PPL: variants seen among roughly 807,000 people sequenced by gnomAD.
PPL encodes the protein 190 kDa paraneoplastic pemphigus antigen.
PPL carries 198 observed loss-of-function variants against 194.4 expected under a neutral mutation model. The observed-to-expected ratio is 1.02, with a 90% CI of 0.91 to 1.15. The LOEUF (loss-of-function observed/expected upper bound fraction) is 1.15. PPL is among the 50% of genes most tolerant of loss of function. The pLI is 0.00. For synonymous variants in PPL, 1,220 were observed against 972.4 expected (o/e 1.25, Z -4.74); for missense variants, 2,885 against 2,294.8 (o/e 1.26, Z -5.25).
At chr16:4,924,462 T>C (rs2142415276) in intron 1 of PPL, among the ~76,000 whole-genome samples, 1 of 152,302 alleles carries the variant, frequency 6.6e-6, no homozygotes, top group Non-Finnish European at 1.5e-5. Context: ...TCAGTTCTGC[T>C]GTAGGAAAGC....
chr16:4,911,884 T>A (rs1302293704), intron 1 of PPL, among the ~76,000 whole-genome samples: 1 of 152,130 alleles, frequency 6.6e-6, no homozygotes, highest in Non-Finnish European at 1.5e-5. Context: ...TCACCCAGAC[T>A]GGAGTGCAGT....
At position 4,884,906 on chromosome 16, in the gene PPL, C is replaced by T. The variant is rs764013163; in HGVS notation, c.3749G>A (p.Arg1250Gln). 46 of 1,614,134 alleles carry T rather than the reference C, an allele frequency of 2.8e-5. No individual in the cohort carries two copies. In the South Asian group the frequency reaches 4.1e-4, roughly 14 times the overall value. ...CTTGTCCACGATCTCCTCCCTGAGC[C>T]GCTGAAGCTCCTTCTCCATCTCAGG... Reference protein sequence around the residue: ...TDPEMEKELQRLREEIVDKTR... With the variant: ...TDPEMEKELQQLREEIVDKTR... The change falls in exon 22 of 22, where the codon CGG (arginine) becomes CAG (glutamine). Residue 1250 changes from arginine to glutamine, a missense_variant. Transcript: ENST00000345988. The surrounding 1 kb of genome is among the most constrained non-coding windows in gnomAD (Gnocchi z 5.7).
At chr16:4,888,882 C>T in intron 19 of PPL, 96 bp downstream of exon 19, 2 of 1,228,306 alleles carry the variant, frequency 1.6e-6, no homozygotes, top group Non-Finnish European at 2.4e-6. Context: ...GCTCCACCCC[C>T]ATGTGCCAGG....
Position 4,885,083 on chromosome 16 carries a change from A to T in PPL, c.3572T>A (p.Leu1191His). The T allele has an allele frequency of 1.9e-6, 3 of 1,613,644 alleles. No homozygotes were observed. Among genetic ancestry groups the T allele is most frequent in the Non-Finnish European group, 2.5e-6 (3 of 1,180,006 alleles). The change falls in exon 22 of 22, where the codon CTC (leucine) becomes CAC (histidine). Residue 1191 changes from leucine to histidine, a missense_variant. Coordinates refer to ENST00000345988, the MANE Select transcript of PPL (RefSeq NM_002705.5). This position sits in a 1 kb window ranked among gnomAD's most constrained non-coding sequence, Gnocchi z 6.3. Reference protein sequence around the residue: ...DPKAESEVANLRLELVEQERK... With the variant: ...DPKAESEVANHRLELVEQERK... The stretch of plus-strand genomic sequence containing the variant: ...CTCCTGCTCCACAAGCTCCAGGCGG[A>T]GGTTCGCCACTTCACTTTCCGCCTT...
chr16:4,892,981 A>G, intron 14 of PPL: 1 of 489,010 alleles, frequency 2.0e-6, no homozygotes, highest in Non-Finnish European at 3.5e-6. Context: ...CGTCAGATCG[A>G]CAAGCCGTGC....
intron 1 of PPL, among the ~76,000 whole-genome samples, chr16:4,918,652 G>A (rs1167523711): frequency 6.6e-6 from 1 of 152,216 alleles, no homozygotes; most frequent in African/African-American, 2.4e-5. Context: ...TTTGGCCACA[G>A]TTCCACTGCC....
intron 1 of PPL, among the ~76,000 whole-genome samples, chr16:4,919,157 C>G (rs965580705): frequency 1.3e-5 from 2 of 152,180 alleles, no homozygotes; most frequent in African/African-American, 4.8e-5. Context: ...GAGGGTAACA[C>G]GGACACACGT....
At chr16:4,888,545 C>G (rs1197991826) in intron 19 of PPL, among the ~76,000 whole-genome samples, 1 of 152,234 alleles carries the variant, frequency 6.6e-6, no homozygotes, top group Non-Finnish European at 1.5e-5. Context: ...CCTGTCTCAC[C>G]TTGCCACCAC....
At chr16:4,932,674 T>G (rs893885168) in intron 1 of PPL, among the ~76,000 whole-genome samples, 2 of 152,104 alleles carry the variant, frequency 1.3e-5, no homozygotes, top group African/African-American at 4.8e-5. Flanking sequence ...CGCCTTACCC[T>G]CTCAGAGTGC....
At chr16:4,904,708 AGAAC>A (rs1429553362) in intron 2 of PPL, among the ~76,000 whole-genome samples, 1 of 152,146 alleles carries the variant, frequency 6.6e-6, no homozygotes, top group African/African-American at 2.4e-5. Flanking sequence ...GTGAGCAGCT[AGAAC>A]ACACAATGGC....
At chr16:4,920,575 G>C in intron 1 of PPL, among the ~76,000 whole-genome samples, 1 of 152,084 alleles carries the variant, frequency 6.6e-6, no homozygotes, top group Non-Finnish European at 1.5e-5. Flanking sequence ...TGATTCTACT[G>C]CCTCAGCCTC....
At chr16:4,893,000 T>C (rs111933890) in intron 14 of PPL, 1 of 571,484 alleles carries the variant, frequency 1.7e-6, no homozygotes. Context: ...GCAGGAACAA[T>C]GCAAGTCCTG....
chr16:4,936,151 C>T (rs903593951), intron 1 of PPL, among the ~76,000 whole-genome samples: 57 of 152,312 alleles, frequency 3.7e-4, no homozygotes, highest in African/African-American at 1.2e-3. Flanking sequence ...CAAGACATGC[C>T]ATTCCCCTCC....
At chr16:4,894,837 A>G (rs1596551203) in intron 11 of PPL, among the ~76,000 whole-genome samples, 3 of 152,094 alleles carry the variant, frequency 2.0e-5, no homozygotes, top group Admixed American at 6.5e-5. Context: ...TTCCCTCCCA[A>G]TTCCCAGTCC....
At chr16:4,922,272 G>C (rs2089064825) in intron 1 of PPL, among the ~76,000 whole-genome samples, 3 of 152,286 alleles carry the variant, frequency 2.0e-5, no homozygotes, top group African/African-American at 4.8e-5. Context: ...GGGTGACTGA[G>C]AGAACAGATA....
At position 4,890,836 on chromosome 16, in the gene PPL, G is replaced by A. The variant is rs61734741; in HGVS notation, c.2054C>T (p.Thr685Ile). 98 of 1,577,290 alleles carry A rather than the reference G, an allele frequency of 6.2e-5. No individual in the cohort carries two copies. Among genetic ancestry groups the A allele is most frequent in the Non-Finnish European group, 8.2e-5 (95 of 1,161,620 alleles). The change falls in exon 17 of 22, where the codon ACA (threonine) becomes ATA (isoleucine). Residue 685 changes from threonine (T) to isoleucine (I), a missense_variant. Transcript: ENST00000345988. Reference sequence around the variant, plus strand: ...GTGCTCCTGGAAGCGGCTGGCCAGTGTGCTCGAGCACTGCTTGGCCGCCTG... The same window carrying A: ...GTGCTCCTGGAAGCGGCTGGCCAGTATGCTCGAGCACTGCTTGGCCGCCTG... ...NLQAAKQCSS[T>I]LASRFQEHCP...
intron 2 of PPL, among the ~76,000 whole-genome samples, chr16:4,905,363 G>A (rs1361169034): frequency 6.6e-6 from 1 of 152,224 alleles, no homozygotes; most frequent in Non-Finnish European, 1.5e-5. Context: ...GGGATCCATT[G>A]ATGTGAAGTG....
At chr16:4,918,285 T>TC (rs1169676365) in intron 1 of PPL, among the ~76,000 whole-genome samples, 22 of 90,690 alleles carry the variant, frequency 2.4e-4, no homozygotes, top group Non-Finnish European at 5.5e-4. Flanking sequence ...AGAGCAAGAC[T>TC]CCATTTCAAA....
At chr16:4,903,545 C>G (rs1336697005) in intron 3 of PPL, among the ~76,000 whole-genome samples, 2 of 152,000 alleles carry the variant, frequency 1.3e-5, no homozygotes, top group Non-Finnish European at 2.9e-5. Flanking sequence ...CATGGAGAAA[C>G]CCTGTCTCTA....
Sources: gnomAD v4.1 joint callset for allele counts (sites outside exome capture counted in the v4.1 genomes callset) on GRCh38, gnomAD v4.1.1 for gene constraint, Gnocchi (gnomAD v3.1) non-coding constraint, MANE v1.5 for transcripts, NCBI Gene and HGNC (gene_info 2026-07-23, HGNC 2026-07-21) for gene names.